The following DCAF8 variants were observed in gnomAD, a reference collection of about 807,000 sequenced individuals.
The protein encoded by DCAF8 is DDB1 and CUL4 associated factor 8.
A neutral mutation model predicts 68.0 loss-of-function variants in DCAF8; 20 were observed. The observed-to-expected ratio is 0.29, with a 90% confidence interval of 0.21 to 0.43. DCAF8 has a LOEUF of 0.43. DCAF8 is among the 20% of genes least tolerant of loss of function. DCAF8 has a pLI of 1.00. For synonymous variants in DCAF8, 230 were observed against 276.9 expected, an observed-to-expected ratio of 0.83 and a Z score of 1.68; for missense variants, 460 against 771.0, an observed-to-expected ratio of 0.60 and a Z score of 4.78.
chr1:160,217,563 C>T lies in DCAF8; in HGVS notation c.*29G>A. 2.5e-6 allele frequency: 4 copies of T among 1,569,810 alleles called. No individual in the cohort carries two copies. The highest frequency in any genetic ancestry group is 1.1e-5 in the South Asian group (1 of 88,860). On this transcript the variant is annotated 3_prime_UTR_variant, in exon 14 of 14. Coordinates refer to ENST00000368074, the MANE Select transcript of DCAF8 (RefSeq NM_015726.4). ...GCCCAGGCAGGATCAGGTTGGCAGC[C>T]CCAGCCTGCCCCACCTAGGTATGAG...
chr1:160,240,238 C>T lies in DCAF8; in HGVS notation c.182G>A (p.Ser61Asn), dbSNP rs1300302190. The T allele has an allele frequency of 6.2e-7, 1 of 1,614,182 alleles. No homozygotes were observed. The highest frequency in any genetic ancestry group is 1.1e-5 in the South Asian group (1 of 91,068). The change falls in exon 4 of 14, where the codon AGC becomes AAC. Residue 61 changes from serine to asparagine, a missense_variant. Around this residue, in one of 8 missense-constraint regions of DCAF8, gnomAD observed 156 missense variants for 181.4 expected, o/e 0.86. Transcript: ENST00000368074. ...TGDDGGPNRT[S>N]TESRGTDTES... ...TGTGTCTGTGCCTCGACTTTCTGTG[C>T]TGGTGCGGTTGGGGCCACCATCATC...
intron 8 of DCAF8, 124 bp downstream of exon 8, chr1:160,225,467 C>G (rs1655440986): frequency 2.7e-6 from 2 of 737,926 alleles, no homozygotes; most frequent in Admixed American, 2.7e-5. Flanking sequence ...GTGGTAAAGC[C>G]AGGATTCAAA....
chr1:160,262,072 C>A (rs1268619041), intron 1 of DCAF8: 1 of 349,146 alleles, frequency 2.9e-6, no homozygotes, highest in Admixed American at 4.7e-5. Flanking sequence ...CAAGGCGTCC[C>A]TGTGAACTGT....
At chr1:160,252,463 T>C (rs112373015) in intron 2 of DCAF8, among the ~76,000 whole-genome samples, 4 of 152,096 alleles carry the variant, frequency 2.6e-5, no homozygotes, top group East Asian at 1.9e-4. Context: ...AGAAAAGATA[T>C]GGAGGTTAAA....
Position 160,240,352 on chromosome 1 carries a change from G to A in DCAF8, c.68C>T (p.Pro23Leu). 1 of 1,611,730 alleles carries A rather than the reference G, an allele frequency of 6.2e-7. No individual in the cohort carries two copies. Among genetic ancestry groups the A allele is most frequent in the Non-Finnish European group, 8.5e-7 (1 of 1,179,166 alleles). ...DLANGSLSSS[P>L]EEMSGAEEGR... Reference sequence around the variant, plus strand: ...CTCTTCAGCTCCAGACATCTCCTCTGGACTGCTAGACAGGCTTCCTGCATG... The same window carrying A: ...CTCTTCAGCTCCAGACATCTCCTCTAGACTGCTAGACAGGCTTCCTGCATG... Residue 23 changes from proline (P) to leucine (L), a missense_variant, in exon 4 of 14, where the codon CCA (proline) becomes CTA (leucine). Transcript: ENST00000368074.
chr1:160,239,416 T>G, intron 4 of DCAF8: 1 of 1,423,146 alleles, frequency 7.0e-7, no homozygotes, highest in Non-Finnish European at 9.1e-7. Flanking sequence ...GCAGTTTGGT[T>G]CAAGAGCCTG....
intron 4 of DCAF8, chr1:160,239,462 T>C: frequency 6.9e-7 from 1 of 1,444,010 alleles, no homozygotes. Context: ...AGCACACATT[T>C]AATAAGCTGC....
At position 160,217,631 on chromosome 1, in the gene DCAF8, C is replaced by T. The variant is rs1655164313; in HGVS notation, c.1755G>A (p.Glu585=). The change falls in exon 14 of 14, where the codon GAG becomes GAA. Residue 585 remains glutamate (E), a synonymous_variant. Transcript: ENST00000368074. ...ACTGCACCCGGTCAGGGCCCTCCTC[C>T]TCGTCCGATGTGTCTGAGGAGCTGG... The part of the protein sequence containing the change: ...ESPSSSDTSD[E]EEGPDRVQCM... 1 of 1,614,006 alleles carries T rather than the reference C, an allele frequency of 6.2e-7. No individual in the cohort carries two copies. The highest frequency in any genetic ancestry group is 8.5e-7 in the Non-Finnish European group (1 of 1,180,028).
chr1:160,218,263 A>T (rs1187948444), intron 13 of DCAF8, 61 bp downstream of exon 13: 10 of 1,328,686 alleles, frequency 7.5e-6, no homozygotes, highest in Non-Finnish European at 1.1e-5. Context: ...ACTACTCTGG[A>T]ACTTTTTAGC....
chr1:160,232,185 G>A (rs1323620970), intron 6 of DCAF8, among the ~76,000 whole-genome samples: 2 of 151,510 alleles, frequency 1.3e-5, no homozygotes, highest in Admixed American at 6.6e-5. Context: ...ACTCCAGCCT[G>A]CGCAACAGAG....
intron 10 of DCAF8, among the ~76,000 whole-genome samples, chr1:160,223,002 C>T (rs1158365648): frequency 6.6e-6 from 1 of 152,210 alleles, no homozygotes; most frequent in African/African-American, 2.4e-5. Context: ...TAGCAGCAGC[C>T]TTAGTCTCTC....
chr1:160,221,413 T>C (rs1655292290), intron 11 of DCAF8, among the ~76,000 whole-genome samples: 1 of 152,076 alleles, frequency 6.6e-6, no homozygotes, highest in Non-Finnish European at 1.5e-5. Context: ...ACTTCTAGAC[T>C]CCTCTCCATT....
At chr1:160,228,607 TAC>T (rs1445118819) in intron 7 of DCAF8, among the ~76,000 whole-genome samples, 1 of 124,554 alleles carries the variant, frequency 8.0e-6, no homozygotes, top group East Asian at 2.3e-4. Context: ...CTCCTCTACT[TAC>T]CTTTTTTTTT....
chr1:160,222,887 T>C, intron 10 of DCAF8, 106 bp from the exon 11 acceptor site: 2 of 1,459,146 alleles, frequency 1.4e-6, no homozygotes, highest in South Asian at 2.5e-5. Flanking sequence ...ATCAGCTAGA[T>C]TATGCATGTT....
chr1:160,222,816 G>C (rs1183688766), intron 10 of DCAF8, 35 bp from the exon 11 acceptor site: 5 of 1,613,730 alleles, frequency 3.1e-6, no homozygotes, highest in Non-Finnish European at 4.2e-6. Context: ...ACCACATGAG[G>C]GTTGGCATCA....
intron 6 of DCAF8, 147 bp from the exon 7 acceptor site, chr1:160,231,554 G>T: frequency 1.6e-6 from 1 of 633,980 alleles, no homozygotes; most frequent in South Asian, 2.0e-5. Flanking sequence ...TTCTCTGTTT[G>T]TTTTGTACGT....
At chr1:160,239,315 T>A (rs2101740899) in intron 4 of DCAF8, 1 of 1,188,560 alleles carries the variant, frequency 8.4e-7, no homozygotes, top group African/African-American at 1.5e-5. Context: ...GTGTTATTAG[T>A]CCCATTTTAC....
chr1:160,254,575 C>A (rs1656749264), intron 2 of DCAF8, among the ~76,000 whole-genome samples: 1 of 151,796 alleles, frequency 6.6e-6, no homozygotes, highest in African/African-American at 2.4e-5. Flanking sequence ...GGGTGGATCA[C>A]GAGGTCAAGA....
Position 160,231,355 on chromosome 1 carries a change from A to G in DCAF8, c.1012T>C (p.Tyr338His). The G allele has an allele frequency of 1.5e-5, 24 of 1,614,192 alleles. No homozygotes were observed. The highest frequency in any genetic ancestry group is 2.0e-5 in the Non-Finnish European group (24 of 1,180,020). ...TGGTGGGTATTGGCAGGATTCACAT[A>G]GATCGTATACAGCCCCACTTTCTTC... is the stretch of plus-strand genomic sequence containing the variant. ...KEKKVGLYTI[Y>H]VNPANTHQFA... The change falls in exon 7 of 14, where the codon TAT becomes CAT. Residue 338 changes from tyrosine (Y) to histidine (H), a missense_variant. Tyr to His is a moderately conservative substitution (Grantham distance 83, BLOSUM62 2). This residue lies in a region of DCAF8 where 170 missense variants were observed against 318.2 expected (regional missense o/e 0.53). Coordinates refer to ENST00000368074, the MANE Select transcript of DCAF8 (RefSeq NM_015726.4).
Sources: allele counts gnomAD v4.1 joint callset (sites outside exome capture counted in the v4.1 genomes callset), GRCh38; gene constraint gnomAD v4.1.1; regional missense constraint gnomAD v4.1.1; transcripts MANE v1.5; gene names NCBI Gene and HGNC (gene_info 2026-07-23, HGNC 2026-07-21).